Variants in RBFOX1 observed in about 807,000 individuals in gnomAD.
RBFOX1 encodes RNA binding protein fox-1 homolog 1.
In RBFOX1, 8 loss-of-function variants were observed where a neutral mutation model predicts 57.7. The ratio of observed to expected loss-of-function variants is 0.14; its 90% CI spans 0.08 to 0.25. The LOEUF is 0.25. Among genes scored for constraint, RBFOX1 ranks in the 10% least tolerant of loss-of-function variants. RBFOX1 has a pLI of 1.00. For missense variants in RBFOX1, 611 were observed against 548.5 expected, an observed-to-expected ratio of 1.11 and a Z score of -1.14; for synonymous variants, 326 against 222.4, an observed-to-expected ratio of 1.47 and a Z score of -4.15.
At chr16:6,966,155 C>G (rs987133288) in intron 3 of RBFOX1, among the ~76,000 whole-genome samples, 1 of 152,210 alleles carries the variant, frequency 6.6e-6, no homozygotes, top group South Asian at 2.1e-4. Context: ...TAAAAGGAGA[C>G]ATTTACGCTC....
At chr16:6,503,509 T>TCACAC (rs1269100941) in intron 2 of RBFOX1, among the ~76,000 whole-genome samples, 1 of 152,252 alleles carries the variant, frequency 6.6e-6, no homozygotes, top group Non-Finnish European at 1.5e-5. Flanking sequence ...CTGGGTTTAC[T>TCACAC]CACACCACTG....
At chr16:5,614,102 C>T (rs1019799418) in intron 3 of RBFOX1, among the ~76,000 whole-genome samples, 7 of 152,090 alleles carry the variant, frequency 4.6e-5, no homozygotes, top group South Asian at 2.1e-4. Flanking sequence ...AGGAATGATG[C>T]CCACCTGGTC....
intron 3 of RBFOX1, among the ~76,000 whole-genome samples, chr16:6,847,855 T>C (rs1030177982): frequency 6.6e-6 from 1 of 151,960 alleles, no homozygotes; most frequent in Non-Finnish European, 1.5e-5. Flanking sequence ...TGGTTGTTGT[T>C]GAAATGGAGT....
chr16:6,675,302 C>T (rs950998490), intron 3 of RBFOX1, among the ~76,000 whole-genome samples: 1 of 152,128 alleles, frequency 6.6e-6, no homozygotes, highest in East Asian at 1.9e-4. Flanking sequence ...GGATATCTGG[C>T]TTTAGGTATG....
At chr16:7,210,850 A>G (rs2090984593) in intron 4 of RBFOX1, among the ~76,000 whole-genome samples, 1 of 152,180 alleles carries the variant, frequency 6.6e-6, no homozygotes, top group African/African-American at 2.4e-5. Context: ...ACTCTAAGAA[A>G]TAATAATGTA....
At chr16:5,372,272 C>G (rs529658150) in intron 1 of RBFOX1, among the ~76,000 whole-genome samples, 41 of 152,286 alleles carry the variant, frequency 2.7e-4, no homozygotes, top group African/African-American at 8.9e-4. Context: ...AACCTGATCT[C>G]AGTCTTGGGT....
chr16:6,747,427 T>C (rs2073943271), intron 3 of RBFOX1, among the ~76,000 whole-genome samples: 1 of 136,982 alleles, frequency 7.3e-6, no homozygotes. Flanking sequence ...AAAAAATCTA[T>C]CAGTCAGTCA....
At chr16:6,810,534 CTTT>C (rs1015708756) in intron 3 of RBFOX1, among the ~76,000 whole-genome samples, 5 of 151,460 alleles carry the variant, frequency 3.3e-5, no homozygotes, top group Admixed American at 3.3e-4. Flanking sequence ...CCAAAAACCT[CTTT>C]TTTTTTCCTT....
chr16:7,117,394 C>T (rs1420582507), intron 4 of RBFOX1, among the ~76,000 whole-genome samples: 2 of 152,100 alleles, frequency 1.3e-5, no homozygotes, highest in Non-Finnish European at 2.9e-5. Flanking sequence ...TGAAGGGAAG[C>T]AACATGGGGC....
rs1178449830 is a variant in RBFOX1 at position 6,076,306 on chromosome 16, A to G, written c.-127+56314A>G. 3.3e-5 allele frequency among the ~76,000 whole-genome samples: 5 copies of G among 151,708 alleles called. No homozygotes were observed. In the East Asian group the frequency reaches 9.6e-4, roughly 29 times the overall value. Reference sequence around the variant, plus strand: ...AAGAGCAAAACTCTGTCTCAAAAAAAAAAAACAACAAACGCACAAACACAC... The same window carrying G: ...AAGAGCAAAACTCTGTCTCAAAAAAGAAAAACAACAAACGCACAAACACAC... On this transcript the variant is annotated intron_variant, in intron 1 of 15. Coordinates refer to ENST00000550418, the MANE Select transcript of RBFOX1 (RefSeq NM_018723.4).
intron 3 of RBFOX1, among the ~76,000 whole-genome samples, chr16:6,969,477 G>A (rs1025701959): frequency 6.6e-6 from 1 of 152,062 alleles, no homozygotes; most frequent in Non-Finnish European, 1.5e-5. Context: ...GCTCATGCCT[G>A]TAATCCCAGC....
intron 2 of RBFOX1, among the ~76,000 whole-genome samples, chr16:6,408,562 C>A (rs1204762127): frequency 5.9e-5 from 9 of 152,230 alleles, no homozygotes; most frequent in African/African-American, 2.2e-4. Flanking sequence ...ATTGATGGAA[C>A]AAATGTAGTT....
At chr16:7,575,644 G>T (rs1399387676) in intron 5 of RBFOX1, among the ~76,000 whole-genome samples, 2 of 152,150 alleles carry the variant, frequency 1.3e-5, no homozygotes, top group African/African-American at 4.8e-5. Flanking sequence ...CTTGATTTTA[G>T]ATTTCTGTCC....
At chr16:6,499,600 G>A (rs1374420257) in intron 2 of RBFOX1, among the ~76,000 whole-genome samples, 1 of 151,996 alleles carries the variant, frequency 6.6e-6, no homozygotes, top group African/African-American at 2.4e-5. Context: ...TTCTGCAGTG[G>A]GAATGATTCA....
intron 4 of RBFOX1, among the ~76,000 whole-genome samples, chr16:7,365,747 T>C (rs73549039): frequency 0.037 from 5,658 of 152,196 alleles, 362 homozygotes; most frequent in African/African-American, 0.13. Flanking sequence ...AGAAACCCTG[T>C]TTTAGTAAGA....
intron 2 of RBFOX1, among the ~76,000 whole-genome samples, chr16:6,352,865 G>T (rs1018994459): frequency 6.6e-6 from 1 of 152,008 alleles, no homozygotes; most frequent in African/African-American, 2.4e-5. Context: ...CTTCATGCTC[G>T]CAAACACAAC....
intron 5 of RBFOX1, among the ~76,000 whole-genome samples, chr16:7,567,139 C>A: frequency 2.1e-5 from 1 of 47,492 alleles, no homozygotes; most frequent in Admixed American, 2.2e-4. Context: ...ATATGTATAT[C>A]CATATATATC....
rs534605338 is a variant in RBFOX1, at chr16:6,928,892, G to C, written c.-15-123165G>C. On this transcript the variant is annotated intron_variant, in intron 3 of 15. Transcript: ENST00000550418. ...TCATCACCACAGAAACTTAGAAATG[G>C]AGCCCAGTAGAGCATCAGTTGTCAG... Among the ~76,000 whole-genome samples, 34 of 152,168 alleles carry C rather than the reference G, an allele frequency of 2.2e-4. No individual in the cohort carries two copies. The East Asian group carries it at 5.4e-3, about 24-fold the overall frequency.
At chr16:6,216,659 T>C (rs2097337759) in intron 1 of RBFOX1, among the ~76,000 whole-genome samples, 1 of 152,186 alleles carries the variant, frequency 6.6e-6, no homozygotes, top group South Asian at 2.1e-4. Context: ...TCCTTCTTTC[T>C]TTATTTTTTA....
Sources: gnomAD v4.1 joint callset for allele counts (sites outside exome capture counted in the v4.1 genomes callset) on GRCh38, gnomAD v4.1.1 for gene constraint, MANE v1.5 for transcripts, NCBI Gene and HGNC (gene_info 2026-07-23, HGNC 2026-07-21) for gene names.